AGO3: variants seen among roughly 807,000 people sequenced by gnomAD.
AGO3 encodes protein argonaute-3.
Under a neutral mutation model 105.5 loss-of-function variants are expected in AGO3, and 16 were observed. The ratio of observed to expected loss-of-function variants is 0.15; its 90% confidence interval spans 0.10 to 0.23. The LOEUF is 0.23. Among genes scored for constraint, AGO3 ranks in the 10% least tolerant of loss-of-function variants. The pLI is 1.00. For missense variants in AGO3, 534 were observed against 1,088.0 expected, an observed-to-expected ratio of 0.49 and a Z score of 7.16; for synonymous variants, 340 against 367.3, an observed-to-expected ratio of 0.93 and a Z score of 0.85.
intron 13 of AGO3, among the ~76,000 whole-genome samples, 195 bp from the exon 14 acceptor site, chr1:36,035,982 G>A (rs910701021): frequency 7.4e-5 from 11 of 148,894 alleles, no homozygotes; most frequent in East Asian, 3.9e-4. Flanking sequence ...GCAGTGAGCC[G>A]AGATCGTGCC....
At chr1:35,995,474 G>T (rs1648236886) in intron 5 of AGO3, among the ~76,000 whole-genome samples, 1 of 151,826 alleles carries the variant, frequency 6.6e-6, no homozygotes, top group Admixed American at 6.6e-5. Flanking sequence ...GTTGATTTTT[G>T]GCAAAGGGCC....
rs1404520976 is a variant in AGO3, at chr1:36,039,884, T to C, written c.1937T>C (p.Met646Thr). ...RQEIIQDLAS[M>T]VRELLIQFYK... ...GAGATCATCCAGGACTTGGCCTCCA[T>C]GGTCCGGGAACTTCTTATTCAATTT... Residue 646 changes from methionine to threonine, a missense_variant, in exon 15 of 19, where the codon ATG (methionine) becomes ACG (threonine). Around this residue, in one of 2 missense-constraint regions of AGO3, gnomAD observed 373 missense variants for 854.0 expected, o/e 0.44. Coordinates refer to ENST00000373191, the MANE Select transcript of AGO3 (RefSeq NM_024852.4). The C allele has an allele frequency of 6.2e-7, 1 of 1,614,046 alleles. No homozygotes were observed.
intron 5 of AGO3, among the ~76,000 whole-genome samples, chr1:36,002,945 C>T (rs1225942024): frequency 6.6e-6 from 1 of 152,028 alleles, no homozygotes; most frequent in African/African-American, 2.4e-5. Context: ...GTGGTGGGCA[C>T]CTGTAGTCCC....
intron 12 of AGO3, among the ~76,000 whole-genome samples, chr1:36,028,608 G>T (rs534759393): frequency 6.6e-6 from 1 of 151,984 alleles, no homozygotes; most frequent in Admixed American, 6.6e-5. Flanking sequence ...GTATTCCATG[G>T]TGTATATGTG....
At chr1:36,051,016 A>G (rs1254771782) in intron 17 of AGO3, among the ~76,000 whole-genome samples, 1 of 151,974 alleles carries the variant, frequency 6.6e-6, no homozygotes, top group Non-Finnish European at 1.5e-5. Context: ...TTGTAGAGAC[A>G]AGGTTTTTCA....
intron 17 of AGO3, among the ~76,000 whole-genome samples, chr1:36,050,350 G>T (rs528153656): frequency 5.7e-4 from 87 of 152,176 alleles, no homozygotes; most frequent in African/African-American, 1.7e-3. Flanking sequence ...GCCAGGAGTG[G>T]TGGCACATGC....
rs1342440409 is a variant in AGO3, at chr1:36,013,958, G to A, written c.1316G>A (p.Arg439Gln). The change falls in exon 11 of 19, where the codon CGA becomes CAA. Residue 439 changes from arginine to glutamine, a missense_variant. Transcript: ENST00000373191. ...CCGAGCCATGGAGTATGGGACATGC[G>A]AGGGAAACAATTCCACACAGGAGTT... is the stretch of plus-strand genomic sequence containing the variant. ...ATPSHGVWDMRGKQFHTGVEI... is the reference protein window; with the variant it reads ...ATPSHGVWDMQGKQFHTGVEI... The A allele has an allele frequency of 6.2e-7, 1 of 1,614,042 alleles. No homozygotes were observed. Among genetic ancestry groups the A allele is most frequent in the Non-Finnish European group, 8.5e-7 (1 of 1,180,034 alleles).
At chr1:36,009,639 T>G in intron 9 of AGO3, 45 bp downstream of exon 9, 1 of 1,570,764 alleles carries the variant, frequency 6.4e-7, no homozygotes, top group Non-Finnish European at 8.7e-7. Context: ...CATATTAGGG[T>G]GAACTGTAAT....
At chr1:35,939,079 T>G (rs1646205637) in intron 1 of AGO3, among the ~76,000 whole-genome samples, 1 of 152,224 alleles carries the variant, frequency 6.6e-6, no homozygotes, top group African/African-American at 2.4e-5. Context: ...TGTATTTCTG[T>G]GTAGTTATAT....
intron 5 of AGO3, among the ~76,000 whole-genome samples, chr1:35,977,307 G>T (rs1407429731): frequency 6.8e-6 from 1 of 147,240 alleles, no homozygotes; most frequent in Non-Finnish European, 1.5e-5. Context: ...ACTTTTGGTA[G>T]CTCACATTTT....
rs572811669 is a variant in AGO3 at position 35,972,245 on chromosome 1, G to A, written c.521+13G>A. 1 of 1,612,450 alleles carries A rather than the reference G, an allele frequency of 6.2e-7. No homozygotes were observed. On this transcript the variant is annotated intron_variant, in intron 4 of 18. Coordinates refer to ENST00000373191, the MANE Select transcript of AGO3 (RefSeq NM_024852.4). ...TGCCCTCCATGAAGTGGGTGCTTCTGCTTTTTTTCTCTTTAGATTTTAAAC... is the reference window on the plus strand; with the variant it reads ...TGCCCTCCATGAAGTGGGTGCTTCTACTTTTTTTCTCTTTAGATTTTAAAC...
At chr1:36,028,494 T>G (rs1641616905) in intron 12 of AGO3, among the ~76,000 whole-genome samples, 1 of 148,012 alleles carries the variant, frequency 6.8e-6, no homozygotes, top group Admixed American at 7.0e-5. Flanking sequence ...GAATATGCGG[T>G]GTTTGGTTTT....
rs1289745592 is a variant in AGO3, at chr1:36,068,052, ACAAT to A, written c.*12310_*12313del. The A allele has an allele frequency of 2.0e-5, 3 of 152,182 alleles. No homozygotes were observed. The highest frequency in any genetic ancestry group is 6.6e-5 in the Admixed American group (1 of 15,266). 9.4% of individuals were successfully genotyped at this position (152,182 alleles called of 1,614,324 possible). Reference sequence around the variant, plus strand: ...GAGTGCCACCATTCTTATTTGTAATACAATCAGTGTTTTATGCCATTTGTGAATC... The same window carrying A: ...GAGTGCCACCATTCTTATTTGTAATACAGTGTTTTATGCCATTTGTGAATC... On this transcript the variant is annotated 3_prime_UTR_variant, in exon 19 of 19. Transcript: ENST00000373191.
chr1:35,995,209 A>AAAAAAAATATAT (rs1237315557), intron 5 of AGO3, among the ~76,000 whole-genome samples: 109 of 114,726 alleles, frequency 9.5e-4, no homozygotes, highest in African/African-American at 3.6e-3. Flanking sequence ...TAAAAAAAAA[A>AAAAAAAATATAT]ATATATATAT....
intron 11 of AGO3, among the ~76,000 whole-genome samples, chr1:36,022,756 A>G (rs982218898): frequency 6.6e-5 from 10 of 151,838 alleles, no homozygotes; most frequent in Non-Finnish European, 8.8e-5. Flanking sequence ...ACATGGTGAA[A>G]CCCCATCTCT....
chr1:36,021,657 A>G (rs1641231322), intron 11 of AGO3, among the ~76,000 whole-genome samples: 2 of 152,182 alleles, frequency 1.3e-5, no homozygotes, highest in Admixed American at 6.5e-5. Context: ...TGAATTTGAA[A>G]TTTGATTTGG....
chr1:36,058,621 C>T lies in AGO3; in HGVS notation c.*2876C>T, dbSNP rs571066726. The stretch of plus-strand genomic sequence containing the variant: ...CTGTATTTTGAGCCTAAAATCTGAG[C>T]CCATGTCCTCTGACAGGCATGAAAT... On this transcript the variant is annotated 3_prime_UTR_variant, in exon 19 of 19. Coordinates refer to ENST00000373191, the MANE Select transcript of AGO3 (RefSeq NM_024852.4). 2.3e-4 allele frequency: 35 copies of T among 152,230 alleles called. No individual in the cohort carries two copies. The highest frequency in any genetic ancestry group is 8.4e-4 in the African/African-American group (35 of 41,548). The allele number at this position is 152,230 out of a possible 1,614,324, so 9.4% of individuals were successfully genotyped here. A position where few individuals can be genotyped will look rare whatever the true frequency, so the allele number is the denominator to read the frequency against.
chr1:35,972,126 G>A lies in AGO3; in HGVS notation c.415G>A (p.Val139Ile). ...SRVSWHLLHEVLTGRTLPEPL... is the reference protein window; with the variant it reads ...SRVSWHLLHEILTGRTLPEPL... The stretch of plus-strand genomic sequence containing the variant: ...GGTGAGTTGGCACCTACTGCATGAA[G>A]TACTGACAGGACGGACCTTGCCTGA... The change falls in exon 4 of 19, where the codon GTA becomes ATA. Residue 139 changes from valine to isoleucine, a missense_variant. By Grantham distance (29) the Val-to-Ile change is conservative. Transcript: ENST00000373191. 2 of 1,614,140 alleles carry A rather than the reference G, an allele frequency of 1.2e-6. No homozygotes were observed. Among genetic ancestry groups the A allele is most frequent in the Non-Finnish European group, 1.7e-6 (2 of 1,180,028 alleles).
At chr1:36,054,438 A>C (rs1471884431) in intron 17 of AGO3, among the ~76,000 whole-genome samples, 1 of 151,846 alleles carries the variant, frequency 6.6e-6, no homozygotes, top group African/African-American at 2.4e-5. Context: ...ACATCTGGCT[A>C]ATTTTTTTTT....
Sources: gnomAD v4.1 joint callset for allele counts (sites outside exome capture counted in the v4.1 genomes callset) on GRCh38, gnomAD v4.1.1 for gene constraint, gnomAD v4.1.1 regional missense constraint, MANE v1.5 for transcripts, NCBI Gene and HGNC (gene_info 2026-07-23, HGNC 2026-07-21) for gene names.